The following FAM184B variants were observed in gnomAD, a reference collection of about 807,000 sequenced individuals.
The protein encoded by FAM184B is protein FAM184B.
FAM184B carries 111 observed loss-of-function variants against 135.9 expected under a neutral mutation model. That is an observed-to-expected ratio of 0.82 (90% CI 0.70 to 0.96). The LOEUF (loss-of-function observed/expected upper bound fraction) is 0.96. Ranked by LOEUF, FAM184B falls within the 40% of genes least tolerant of loss-of-function variation. The probability of loss-of-function intolerance (pLI) is 0.00; values close to 1 mark genes in which losing one functional copy is unlikely to be tolerated. For synonymous variants in FAM184B, 552 were observed against 524.8 expected (o/e 1.05, Z -0.71); for missense variants, 1,375 against 1,323.9 (o/e 1.04, Z -0.60).
At chr4:17,641,682 T>G (rs1373117492) in intron 13 of FAM184B, among the ~76,000 whole-genome samples, 1 of 126,556 alleles carries the variant, frequency 7.9e-6, no homozygotes, top group African/African-American at 3.0e-5. Flanking sequence ...GTATTTTTAG[T>G]GGAGACAGGG....
rs940005989 is a variant in FAM184B at position 17,629,757 on chromosome 4, A to G, written c.*2775T>C. 1.3e-5 allele frequency: 2 copies of G among 152,224 alleles called. No individual in the cohort carries two copies. The highest frequency in any genetic ancestry group is 6.5e-5 in the Admixed American group (1 of 15,284). The allele number at this position is 152,224 out of a possible 1,614,324, so 9.4% of individuals were successfully genotyped here. On this transcript the variant is annotated 3_prime_UTR_variant, in exon 18 of 18. Transcript: ENST00000265018. ...CTGCTGTTGAGAGATTGATGGAATC[A>G]TTATGCAAACTAAAATAGAATGTTT...
chr4:17,656,676 A>G (rs1715784093), intron 10 of FAM184B, among the ~76,000 whole-genome samples: 1 of 152,206 alleles, frequency 6.6e-6, no homozygotes, highest in African/African-American at 2.4e-5. Flanking sequence ...TGCTGGCATT[A>G]CAGGCGTGAG....
chr4:17,677,222 A>T (rs1716331401), intron 7 of FAM184B, among the ~76,000 whole-genome samples: 1 of 151,878 alleles, frequency 6.6e-6, no homozygotes, highest in Non-Finnish European at 1.5e-5. Context: ...TAATTTTTGT[A>T]TTTTTTGTAG....
At chr4:17,759,906 G>T (rs1718507201) in intron 1 of FAM184B, among the ~76,000 whole-genome samples, 1 of 152,046 alleles carries the variant, frequency 6.6e-6, no homozygotes. Context: ...GGCCAAGGTG[G>T]GTACCGGTTT....
intron 3 of FAM184B, among the ~76,000 whole-genome samples, chr4:17,706,204 T>C (rs1432689136): frequency 6.6e-6 from 1 of 152,224 alleles, no homozygotes; most frequent in Admixed American, 6.5e-5. Context: ...AATAGGAATT[T>C]AAAGGATGAA....
intron 1 of FAM184B, among the ~76,000 whole-genome samples, chr4:17,749,601 C>T (rs1445689040): frequency 6.6e-6 from 1 of 152,012 alleles, no homozygotes; most frequent in Non-Finnish European, 1.5e-5. Flanking sequence ...ATCTATATGG[C>T]CTGCATTTGT....
Position 17,642,083 on chromosome 4 carries a change from T to G in FAM184B, c.2492A>C (p.Glu831Ala). 1 of 1,531,968 alleles carries G rather than the reference T, an allele frequency of 6.5e-7. No homozygotes were observed. The allele number at this position is 1,531,968 out of a possible 1,614,324, so 94.9% of individuals were successfully genotyped here. A position where few individuals can be genotyped will look rare whatever the true frequency, so the allele number is the denominator to read the frequency against. Reference sequence around the variant, plus strand: ...GCGCTGGTCTCGGAGCTTCTGCGCCTCCTGCTGATGCTGCTCCACCTCCGC... The same window carrying G: ...GCGCTGGTCTCGGAGCTTCTGCGCCGCCTGCTGATGCTGCTCCACCTCCGC... ...LRAEVEQHQQ[E>A]AQKLRDQRRF... Residue 831 changes from glutamate (E) to alanine (A), a missense_variant, in exon 13 of 18, where the codon GAG becomes GCG. Glu to Ala is a moderately radical substitution (Grantham distance 107). Transcript: ENST00000265018.
chr4:17,772,603 T>G (rs920995902), intron 1 of FAM184B, among the ~76,000 whole-genome samples: 1 of 152,274 alleles, frequency 6.6e-6, no homozygotes, highest in Non-Finnish European at 1.5e-5. Context: ...AGACTCATCC[T>G]AAGATCTGTC....
chr4:17,774,455 C>G (rs1283112741), intron 1 of FAM184B, among the ~76,000 whole-genome samples: 8 of 152,150 alleles, frequency 5.3e-5, no homozygotes, highest in Non-Finnish European at 1.2e-4. Context: ...GGACACGGGC[C>G]CAGAGGCAGG....
intron 1 of FAM184B, among the ~76,000 whole-genome samples, chr4:17,780,848 T>C (rs1010032405): frequency 6.6e-6 from 1 of 152,170 alleles, no homozygotes; most frequent in African/African-American, 2.4e-5. Flanking sequence ...TTCTAGGCAC[T>C]TGAGCAAAGC....
At chr4:17,774,695 C>T (rs1718886923) in intron 1 of FAM184B, among the ~76,000 whole-genome samples, 1 of 152,192 alleles carries the variant, frequency 6.6e-6, no homozygotes, top group African/African-American at 2.4e-5. Flanking sequence ...TCTCTCTTCT[C>T]CTTATAAGAT....
chr4:17,632,289 G>A lies in FAM184B; in HGVS notation c.*243C>T, dbSNP rs1714977318. On this transcript the variant is annotated 3_prime_UTR_variant, in exon 18 of 18. Transcript: ENST00000265018. ...GGGGTTTCACCATATTGGCCAGGCT[G>A]GTCTCAAATTCCTGGACTCAAGCAG... is the stretch of plus-strand genomic sequence containing the variant. The A allele has an allele frequency of 3.3e-6, 1 of 303,554 alleles. No individual in the cohort carries two copies. Among genetic ancestry groups the A allele is most frequent in the East Asian group, 6.3e-5 (1 of 15,868 alleles). 18.8% of individuals were successfully genotyped at this position (303,554 alleles called of 1,614,324 possible). A position where few individuals can be genotyped will look rare whatever the true frequency, so the allele number is the denominator to read the frequency against.
In FAM184B at chr4:17,634,231, A is replaced by T. The variant is rs560940413; in HGVS notation, c.2890-343T>A. The stretch of plus-strand genomic sequence containing the variant: ...CATTTATTTAAATTTCTGGAGTGAA[A>T]CTTGTATTTTGTCACAATGAGGGAT... On this transcript the variant is annotated intron_variant, in intron 16 of 17. Transcript: ENST00000265018. The T allele has an allele frequency of 2.6e-5, 5 of 188,814 alleles. No homozygotes were observed. In the East Asian group the frequency reaches 6.7e-4, roughly 25 times the overall value. The allele number at this position is 188,814 out of a possible 1,614,324, so 11.7% of individuals were successfully genotyped here.
chr4:17,761,253 C>G lies in FAM184B; in HGVS notation c.141+19906G>C, dbSNP rs145928854. Reference sequence around the variant, plus strand: ...AGGAAGAGACAGCAGGTCTCTCTCTCTCTCTCTCTCCCTGTGTGCACACAG... The same window carrying G: ...AGGAAGAGACAGCAGGTCTCTCTCTGTCTCTCTCTCCCTGTGTGCACACAG... On this transcript the variant is annotated intron_variant, in intron 1 of 17. Transcript: ENST00000265018. 1.3e-4 allele frequency among the ~76,000 whole-genome samples: 20 copies of G among 152,188 alleles called. 1 individual carries two copies. The highest frequency in any genetic ancestry group is 7.8e-4 in the Admixed American group (12 of 15,290).
At chr4:17,759,212 C>A (rs1718488695) in intron 1 of FAM184B, among the ~76,000 whole-genome samples, 1 of 152,146 alleles carries the variant, frequency 6.6e-6, no homozygotes, top group African/African-American at 2.4e-5. Flanking sequence ...ACTGAAATTG[C>A]ATGTCGAATT....
At chr4:17,767,176 C>G (rs1487367906) in intron 1 of FAM184B, among the ~76,000 whole-genome samples, 1 of 152,188 alleles carries the variant, frequency 6.6e-6, no homozygotes, top group Non-Finnish European at 1.5e-5. Flanking sequence ...CAGGTTCCCG[C>G]CCGTGCCTCT....
At chr4:17,759,620 G>C (rs1341603547) in intron 1 of FAM184B, among the ~76,000 whole-genome samples, 1 of 151,942 alleles carries the variant, frequency 6.6e-6, no homozygotes, top group African/African-American at 2.4e-5. Flanking sequence ...AGCCTCCCGA[G>C]TAGCTGAGAT....
At chr4:17,671,210 C>G (rs1167666226) in intron 7 of FAM184B, among the ~76,000 whole-genome samples, 4 of 152,074 alleles carry the variant, frequency 2.6e-5, no homozygotes, top group African/African-American at 9.7e-5. Context: ...ACCATATGAT[C>G]ATGAAGAGAC....
At position 17,629,823 on chromosome 4, in the gene FAM184B, A is replaced by T. The variant is rs1268377048; in HGVS notation, c.*2709T>A. 1 of 152,218 alleles carries T rather than the reference A, an allele frequency of 6.6e-6. No homozygotes were observed. Among genetic ancestry groups the T allele is most frequent in the Non-Finnish European group, 1.5e-5 (1 of 68,036 alleles). The allele number at this position is 152,218 out of a possible 1,614,324, so 9.4% of individuals were successfully genotyped here. On this transcript the variant is annotated 3_prime_UTR_variant, in exon 18 of 18. Transcript: ENST00000265018. The stretch of plus-strand genomic sequence containing the variant: ...ATTTCTTTGTCAATAGTGTTAGGGC[A>T]CAGTAGGTTCATTTACTGCTGGTAA...
Sources: gnomAD v4.1 joint callset for allele counts (sites outside exome capture counted in the v4.1 genomes callset) on GRCh38, gnomAD v4.1.1 for gene constraint, MANE v1.5 for transcripts, NCBI Gene and HGNC (gene_info 2026-07-23, HGNC 2026-07-21) for gene names.